The following WWOX variants were observed in gnomAD, a reference collection of about 807,000 sequenced individuals.
WWOX encodes WW domain-containing oxidoreductase.
A neutral mutation model predicts 46.2 loss-of-function variants in WWOX; 69 were observed. That is an observed-to-expected ratio of 1.49 (90% CI 1.23 to 1.82). WWOX has a LOEUF of 1.82. Among genes scored for constraint, WWOX ranks in the 40% most tolerant of loss-of-function variants. WWOX has a pLI of 0.00. For missense variants in WWOX, 919 were observed against 542.6 expected (o/e 1.69, Z -6.89); for synonymous variants, 359 against 202.6 (o/e 1.77, Z -6.56).
chr16:78,578,815 C>A (rs1021458919), intron 8 of WWOX, among the ~76,000 whole-genome samples: 4 of 152,156 alleles, frequency 2.6e-5, no homozygotes, highest in Non-Finnish European at 5.9e-5. Flanking sequence ...AATTGCATCC[C>A]TGACATTTGG....
chr16:78,827,222 C>T (rs2051682113), intron 8 of WWOX, among the ~76,000 whole-genome samples: 1 of 152,180 alleles, frequency 6.6e-6, no homozygotes, highest in Non-Finnish European at 1.5e-5. Flanking sequence ...ATGGCTGATC[C>T]TCTAAGACAG....
intron 8 of WWOX, among the ~76,000 whole-genome samples, chr16:78,730,823 G>C (rs74029943): frequency 6.6e-6 from 1 of 151,974 alleles, no homozygotes; most frequent in Non-Finnish European, 1.5e-5. Context: ...TTATCACTTG[G>C]AATGTGGAGA....
At chr16:78,486,906 G>T (rs924689222) in intron 8 of WWOX, among the ~76,000 whole-genome samples, 1 of 152,144 alleles carries the variant, frequency 6.6e-6, no homozygotes, top group Non-Finnish European at 1.5e-5. Flanking sequence ...CCTTGGGTTC[G>T]GGTGAAGTTG....
rs12448326 is a variant in WWOX, at chr16:79,196,904, G to A, written c.1057-14704G>A. Among the ~76,000 whole-genome samples, 445 of 152,236 alleles carry A rather than the reference G, an allele frequency of 2.9e-3. 4 individuals carry two copies. Among genetic ancestry groups the A allele is most frequent in the Admixed American group, 0.022 (341 of 15,282 alleles). On this transcript the variant is annotated intron_variant, in intron 8 of 8. Transcript: ENST00000566780. ...TCCTGGCAATGCATTTCGGGAGTTC[G>A]GTGTCACCCTGAGCATCTTTCAATT...
chr16:78,265,891 C>T (rs190630666), intron 5 of WWOX: 1 of 152,204 alleles, frequency 6.6e-6, no homozygotes, highest in Admixed American at 6.5e-5. Context: ...GCCTAATATA[C>T]ATCCAGTTTC....
intron 5 of WWOX, among the ~76,000 whole-genome samples, chr16:78,194,185 A>G (rs545244787): frequency 5.5e-4 from 83 of 152,070 alleles, no homozygotes; most frequent in Non-Finnish European, 9.0e-4. Context: ...ATTTTTTAAA[A>G]CAATATATGT....
In WWOX at chr16:79,065,606, G is replaced by T. The variant is rs553027645; in HGVS notation, c.1057-146002G>T. Among the ~76,000 whole-genome samples, 4 of 152,286 alleles carry T rather than the reference G, an allele frequency of 2.6e-5. No individual in the cohort carries two copies. The South Asian group carries it at 8.3e-4, about 32-fold the overall frequency. The stretch of plus-strand genomic sequence containing the variant: ...GTGATGTTATCTACAGGAATAATTG[G>T]GGAAGTTCCAAATCTTGTGACCTCC... On this transcript the variant is annotated intron_variant, in intron 8 of 8. Transcript: ENST00000566780.
chr16:78,419,625 CAAAAA>C (rs60762734), intron 6 of WWOX, among the ~76,000 whole-genome samples: 578 of 44,702 alleles, frequency 0.013, no homozygotes, highest in Non-Finnish European at 0.018. Context: ...CAAAAAATAG[CAAAAA>C]AAAAAAAAAA....
chr16:78,406,537 G>T (rs1195989821), intron 6 of WWOX, among the ~76,000 whole-genome samples: 2 of 150,380 alleles, frequency 1.3e-5, no homozygotes, highest in Non-Finnish European at 3.0e-5. Context: ...TATTTTAGTA[G>T]AGATGGTTTC....
At chr16:78,625,069 G>GT (rs1439807725) in intron 8 of WWOX, among the ~76,000 whole-genome samples, 2 of 152,154 alleles carry the variant, frequency 1.3e-5, no homozygotes, top group Non-Finnish European at 2.9e-5. Flanking sequence ...CGTTTGATTT[G>GT]TAGCCGCCAC....
intron 8 of WWOX, among the ~76,000 whole-genome samples, chr16:78,735,978 A>G (rs1247968580): frequency 6.6e-6 from 1 of 152,154 alleles, no homozygotes; most frequent in South Asian, 2.1e-4. Flanking sequence ...CTAGTGTGCC[A>G]CCTCAAGCGA....
chr16:78,103,381 G>A (rs1049467288), intron 1 of WWOX, among the ~76,000 whole-genome samples: 8 of 151,692 alleles, frequency 5.3e-5, no homozygotes, highest in African/African-American at 1.9e-4. Flanking sequence ...TAGTTGTTCA[G>A]CCCCCCGTGC....
At chr16:79,177,839 T>G (rs1041870004) in intron 8 of WWOX, among the ~76,000 whole-genome samples, 1 of 152,220 alleles carries the variant, frequency 6.6e-6, no homozygotes, top group African/African-American at 2.4e-5. Flanking sequence ...TTTCCTTACT[T>G]TGTTCAGGCT....
intron 8 of WWOX, among the ~76,000 whole-genome samples, chr16:78,742,020 G>A (rs540500089): frequency 5.3e-5 from 8 of 152,104 alleles, no homozygotes; most frequent in South Asian, 2.1e-4. Flanking sequence ...CACCCCCTAC[G>A]ATGTCTATGT....
rs1221960950 is a variant in WWOX, at chr16:78,782,205, TC to T, written c.1056+349456del. ...CTGTCCTTCCTCTTCAGGCCACCTA[TC>T]CCTTCCGATTGACCCCACTGGACTT... is the stretch of plus-strand genomic sequence containing the variant. On this transcript the variant is annotated intron_variant, in intron 8 of 8. Coordinates refer to ENST00000566780, the MANE Select transcript of WWOX (RefSeq NM_016373.4). Among the ~76,000 whole-genome samples, 8 of 152,288 alleles carry T rather than the reference TC, an allele frequency of 5.3e-5. No individual in the cohort carries two copies. The East Asian group carries it at 1.5e-3, about 29-fold the overall frequency.
intron 8 of WWOX, among the ~76,000 whole-genome samples, chr16:79,002,707 C>G (rs112946424): frequency 6.6e-6 from 1 of 152,146 alleles, no homozygotes; most frequent in African/African-American, 2.4e-5. Flanking sequence ...TGTGCCTATT[C>G]CCATTTCACA....
At chr16:79,021,294 G>A (rs529655839) in intron 8 of WWOX, among the ~76,000 whole-genome samples, 1 of 152,114 alleles carries the variant, frequency 6.6e-6, no homozygotes, top group African/African-American at 2.4e-5. Flanking sequence ...AAGGCACGCA[G>A]GATGCAAGAT....
At chr16:78,507,656 C>G (rs1373679321) in intron 8 of WWOX, among the ~76,000 whole-genome samples, 1 of 152,168 alleles carries the variant, frequency 6.6e-6, no homozygotes, top group East Asian at 1.9e-4. Context: ...GGTCCCGTCT[C>G]CAGCCAGATC....
intron 5 of WWOX, among the ~76,000 whole-genome samples, chr16:78,217,605 A>G (rs1054270223): frequency 6.6e-6 from 1 of 152,156 alleles, no homozygotes; most frequent in African/African-American, 2.4e-5. Flanking sequence ...GAGACCGAGA[A>G]ACTTAACAGA....
Sources: gnomAD v4.1 joint callset for allele counts (sites outside exome capture counted in the v4.1 genomes callset) on GRCh38, gnomAD v4.1.1 for gene constraint, MANE v1.5 for transcripts, NCBI Gene and HGNC (gene_info 2026-07-23, HGNC 2026-07-21) for gene names.